ACOXL: variants seen among roughly 807,000 people sequenced by gnomAD.
ACOXL encodes the protein acyl-coenzyme A oxidase-like protein.
ACOXL carries 70 observed loss-of-function variants against 71.9 expected under a neutral mutation model. The observed-to-expected ratio is 0.97, with a 90% CI of 0.80 to 1.19. ACOXL has a LOEUF of 1.19. Ranked by LOEUF, ACOXL falls within the 50% of genes most tolerant of loss-of-function variation. The pLI, the probability that ACOXL is intolerant of heterozygous loss-of-function variation, is 0.00. For missense variants in ACOXL, 703 were observed against 736.3 expected (o/e 0.95, Z 0.52); for synonymous variants, 253 against 281.6 (o/e 0.90, Z 1.02).
At chr2:110,887,121 C>G (rs1697393516) in intron 10 of ACOXL, 1 of 399,978 alleles carries the variant, frequency 2.5e-6, no homozygotes, top group Non-Finnish European at 4.5e-6. Context: ...TGGAAAAACT[C>G]TGATCTGAAA....
intron 1 of ACOXL, among the ~76,000 whole-genome samples, chr2:110,737,277 A>T (rs1240444897): frequency 1.3e-5 from 2 of 151,856 alleles, no homozygotes; most frequent in Non-Finnish European, 2.9e-5. Context: ...CTCTTACTTC[A>T]TTCTCATGTA....
intron 10 of ACOXL, among the ~76,000 whole-genome samples, chr2:110,846,639 A>C (rs1001304806): frequency 2.1e-5 from 3 of 139,930 alleles, no homozygotes; most frequent in Non-Finnish European, 3.1e-5. Context: ...GTATGCATAC[A>C]CGCACACACA....
Position 111,009,631 on chromosome 2 carries a change from A to G in ACOXL, c.1281+13627A>G, listed in dbSNP as rs2064050133. On this transcript the variant is annotated intron_variant, in intron 14 of 17. Transcript: ENST00000439055. ...CGCAGAGAGGGAAGCTTCAAAATAC[A>G]TGTATGAATACCACTCAAATCCATG... Among the ~76,000 whole-genome samples the G allele has an allele frequency of 2.6e-5, 4 of 152,292 alleles. No homozygotes were observed. In the South Asian group the frequency reaches 8.3e-4, roughly 32 times the overall value.
intron 12 of ACOXL, among the ~76,000 whole-genome samples, chr2:110,973,978 C>T (rs1040596307): frequency 6.6e-6 from 1 of 152,132 alleles, no homozygotes; most frequent in African/African-American, 2.4e-5. Context: ...AGTCAGCACC[C>T]CCTCATAGGA....
At chr2:110,808,371 G>T (rs1460490442) in intron 9 of ACOXL, among the ~76,000 whole-genome samples, 1 of 152,122 alleles carries the variant, frequency 6.6e-6, no homozygotes, top group Admixed American at 6.5e-5. Context: ...TCTGGGGTGG[G>T]GTGGAGAGTC....
At chr2:110,986,988 G>A in intron 12 of ACOXL, 120 bp from the exon 13 acceptor site, 1 of 788,532 alleles carries the variant, frequency 1.3e-6, no homozygotes, top group South Asian at 1.7e-5. Context: ...ATGAGGTCTT[G>A]TATTTGATTC....
At chr2:111,089,369 T>C (rs554945918) in intron 16 of ACOXL, among the ~76,000 whole-genome samples, 4 of 152,300 alleles carry the variant, frequency 2.6e-5, no homozygotes, top group African/African-American at 9.6e-5. Context: ...TTGGCCAACA[T>C]TTTGCCAAGC....
intron 5 of ACOXL, 40 bp from the exon 6 acceptor site, chr2:110,798,570 A>G (rs375824339): frequency 3.5e-5 from 53 of 1,534,066 alleles, no homozygotes; most frequent in Non-Finnish European, 4.5e-5. Context: ...GAAATGAGCC[A>G]TGGGAAGGGA....
At chr2:110,891,800 G>T (rs1697956161) in intron 10 of ACOXL, among the ~76,000 whole-genome samples, 1 of 152,064 alleles carries the variant, frequency 6.6e-6, no homozygotes, top group Admixed American at 6.6e-5. Context: ...AAGTTCAGAA[G>T]TGAGCTGCTA....
chr2:111,098,532 T>C (rs1242833541), intron 17 of ACOXL: 2 of 152,174 alleles, frequency 1.3e-5, no homozygotes, highest in African/African-American at 2.4e-5. Flanking sequence ...TCAGGAGATA[T>C]GGTAACTAAA....
At chr2:110,884,556 G>A (rs1380557648) in intron 10 of ACOXL, among the ~76,000 whole-genome samples, 1 of 152,142 alleles carries the variant, frequency 6.6e-6, no homozygotes, top group African/African-American at 2.4e-5. Context: ...GAAAAAAACT[G>A]AGCTACAGAA....
At chr2:110,985,482 A>G (rs2062890210) in intron 12 of ACOXL, among the ~76,000 whole-genome samples, 4 of 152,314 alleles carry the variant, frequency 2.6e-5, no homozygotes, top group African/African-American at 9.6e-5. Flanking sequence ...TATTATAAAT[A>G]TATTTATTTA....
At chr2:110,923,896 ATT>A (rs2060172912) in intron 11 of ACOXL, among the ~76,000 whole-genome samples, 1 of 151,618 alleles carries the variant, frequency 6.6e-6, no homozygotes, top group Non-Finnish European at 1.5e-5. Context: ...AGAACACACC[ATT>A]GTCATCTAGC....
At chr2:111,093,476 C>T (rs1178034370) in intron 17 of ACOXL, 8 of 1,613,920 alleles carry the variant, frequency 5.0e-6, no homozygotes, top group African/African-American at 1.3e-5. Context: ...CTGATTACAT[C>T]CTTTCTGCAG....
chr2:111,051,893 T>C (rs1408543892), intron 16 of ACOXL, among the ~76,000 whole-genome samples: 1 of 152,214 alleles, frequency 6.6e-6, no homozygotes, highest in Non-Finnish European at 1.5e-5. Context: ...CCATTAAAAA[T>C]GCAGCTTGTA....
intron 1 of ACOXL, among the ~76,000 whole-genome samples, chr2:110,768,053 AC>A (rs1681343252): frequency 1.3e-5 from 2 of 151,514 alleles, no homozygotes; most frequent in African/African-American, 4.9e-5. Context: ...AATCGCTTGA[AC>A]CCGGGAGGCG....
chr2:110,823,304 C>G (rs1688829919), intron 9 of ACOXL, among the ~76,000 whole-genome samples: 1 of 150,998 alleles, frequency 6.6e-6, no homozygotes, highest in Non-Finnish European at 1.5e-5. Context: ...ATAGCTCGTT[C>G]TTTTTGTTGC....
intron 12 of ACOXL, among the ~76,000 whole-genome samples, chr2:110,950,008 A>G (rs1558775610): frequency 6.6e-6 from 1 of 152,054 alleles, no homozygotes; most frequent in Non-Finnish European, 1.5e-5. Context: ...CTTGGCTTTT[A>G]AACAATCCTC....
intron 16 of ACOXL, among the ~76,000 whole-genome samples, chr2:111,082,276 C>A (rs1330760304): frequency 6.6e-6 from 1 of 151,170 alleles, no homozygotes; most frequent in Non-Finnish European, 1.5e-5. Context: ...ATCCGTCTGA[C>A]AAAGGTCTAC....
Sources: gnomAD v4.1 joint callset for allele counts (sites outside exome capture counted in the v4.1 genomes callset) on GRCh38, gnomAD v4.1.1 for gene constraint, MANE v1.5 for transcripts, NCBI Gene and HGNC (gene_info 2026-07-23, HGNC 2026-07-21) for gene names.